Variants in SLTM observed in about 807,000 individuals in gnomAD.
SLTM encodes SAFB like transcription modulator.
In SLTM, 43 loss-of-function variants were observed where a neutral mutation model predicts 134.6. That is an observed-to-expected ratio of 0.32 (90% CI 0.25 to 0.41). SLTM has a LOEUF of 0.41. Among genes scored for constraint, SLTM ranks in the 10% least tolerant of loss-of-function variants. SLTM has a pLI of 1.00. For synonymous variants in SLTM, 424 were observed against 432.3 expected, an observed-to-expected ratio of 0.98 and a Z score of 0.24; for missense variants, 1,055 against 1,288.8, an observed-to-expected ratio of 0.82 and a Z score of 2.78.
intron 17 of SLTM, 184 bp from the exon 18 acceptor site, chr15:58,887,724 G>A (rs142412374): frequency 1.6e-4 from 126 of 780,264 alleles, no homozygotes; most frequent in Admixed American, 1.9e-4. Context: ...TAAGTGTCTA[G>A]CCTAAAGGTT....
intron 5 of SLTM, 132 bp from the exon 6 acceptor site, chr15:58,901,419 A>C (rs2035479631): frequency 2.9e-6 from 2 of 688,754 alleles, no homozygotes; most frequent in Non-Finnish European, 4.9e-6. Context: ...AACACTAACA[A>C]ATAAATAGGC....
intron 3 of SLTM, among the ~76,000 whole-genome samples, chr15:58,914,582 C>T (rs1174490511): frequency 1.3e-5 from 2 of 152,022 alleles, no homozygotes; most frequent in East Asian, 1.9e-4. Flanking sequence ...AGTAGGGGAG[C>T]GTGAGGGGAT....
chr15:58,887,184 T>C (rs2034285253), intron 18 of SLTM, 42 bp downstream of exon 18: 1 of 1,612,032 alleles, frequency 6.2e-7, no homozygotes, highest in Non-Finnish European at 8.5e-7. Context: ...TTAACCCCAA[T>C]GCATGAGACC....
At chr15:58,881,796 C>T (rs980490686) in intron 20 of SLTM, among the ~76,000 whole-genome samples, 2 of 152,090 alleles carry the variant, frequency 1.3e-5, no homozygotes, top group Non-Finnish European at 2.9e-5. Flanking sequence ...AGGGTTTTAC[C>T]ATGTTGCCCA....
intron 6 of SLTM, 118 bp from the exon 7 acceptor site, chr15:58,900,055 AGGG>A: frequency 3.2e-6 from 2 of 626,282 alleles, no homozygotes; most frequent in African/African-American, 1.9e-5. Context: ...GATGGAAGTT[AGGG>A]AAAAAAAAAA....
At chr15:58,905,187 T>G (rs374928365) in intron 5 of SLTM, among the ~76,000 whole-genome samples, 5 of 152,354 alleles carry the variant, frequency 3.3e-5, no homozygotes, top group East Asian at 1.9e-4. Flanking sequence ...ATATTACTTT[T>G]AAGCATTATG....
In SLTM at chr15:58,933,579, C is replaced by T. The variant is rs1160275715; in HGVS notation, c.-14G>A. On this transcript the variant is annotated 5_prime_UTR_variant, in exon 1 of 21. Transcript: ENST00000380516. ...AGCGGCAGCCATCTTAGAAGAGCAGCGCGCTGCCGAGGCAGCGAGTGGGCT... is the reference window on the plus strand; with the variant it reads ...AGCGGCAGCCATCTTAGAAGAGCAGTGCGCTGCCGAGGCAGCGAGTGGGCT... 6.4e-7 allele frequency: 1 copy of T among 1,567,516 alleles called. No homozygotes were observed. Among genetic ancestry groups the T allele is most frequent in the Admixed American group, 1.8e-5 (1 of 54,384 alleles).
At chr15:58,903,920 G>A (rs1054891653) in intron 5 of SLTM, among the ~76,000 whole-genome samples, 5 of 152,180 alleles carry the variant, frequency 3.3e-5, no homozygotes, top group African/African-American at 1.2e-4. Context: ...TTCTTAAAAT[G>A]TCAAATATTT....
intron 5 of SLTM, among the ~76,000 whole-genome samples, chr15:58,905,783 A>C (rs1322801533): frequency 6.6e-6 from 1 of 152,122 alleles, no homozygotes; most frequent in Non-Finnish European, 1.5e-5. Flanking sequence ...CCTGTCAATT[A>C]TAATGTTATT....
intron 5 of SLTM, among the ~76,000 whole-genome samples, chr15:58,910,719 G>C (rs1336846245): frequency 6.8e-6 from 1 of 148,100 alleles, no homozygotes; most frequent in African/African-American, 2.5e-5. Flanking sequence ...CTCTCAATTT[G>C]AGAGTTAATT....
intron 2 of SLTM, among the ~76,000 whole-genome samples, chr15:58,929,238 G>A (rs577963928): frequency 1.3e-5 from 2 of 152,248 alleles, no homozygotes; most frequent in African/African-American, 4.8e-5. Flanking sequence ...ATTACCTGAG[G>A]TTGGGAGTTC....
chr15:58,891,590 A>G (rs553945253), intron 14 of SLTM, among the ~76,000 whole-genome samples: 30 of 152,340 alleles, frequency 2.0e-4, no homozygotes, highest in African/African-American at 6.7e-4. Flanking sequence ...TTACTAACCA[A>G]TACAACATAT....
Position 58,894,466 on chromosome 15 carries a change from A to T in SLTM, c.1344T>A (p.Thr448=), listed in dbSNP as rs2034914783. Residue 448 remains threonine (T), a synonymous_variant, in exon 10 of 21, where the codon ACT becomes ACA. Transcript: ENST00000380516. ...VSRCIAHLHR[T]ELHGQLISVE... is the part of the protein sequence containing the mutation. ...CAGAAATCAGCTGTCCATGCAGCTC[A>T]GTGCGATGAAGATGTGCAATACACC... 2 of 1,614,076 alleles carry T rather than the reference A, an allele frequency of 1.2e-6. No homozygotes were observed. Among genetic ancestry groups the T allele is most frequent in the African/African-American group, 2.7e-5 (2 of 74,934 alleles).
intron 2 of SLTM, chr15:58,921,506 C>G (rs2037043080): frequency 2.7e-6 from 1 of 369,338 alleles, no homozygotes; most frequent in Non-Finnish European, 5.7e-6. Flanking sequence ...TAAAAATGGT[C>G]TAACTTTGCT....
intron 2 of SLTM, among the ~76,000 whole-genome samples, chr15:58,927,974 T>C (rs1405402150): frequency 6.6e-6 from 1 of 152,232 alleles, no homozygotes; most frequent in East Asian, 1.9e-4. Context: ...TATAAATATG[T>C]AGTCTGTGGT....
chr15:58,913,722 C>T (rs1450446889), intron 3 of SLTM, 26 bp from the exon 4 acceptor site: 1 of 1,596,498 alleles, frequency 6.3e-7, no homozygotes, highest in Admixed American at 1.7e-5. Context: ...AAATTTGGTA[C>T]AACTAGAGGC....
At chr15:58,897,778 GAAAC>G (rs2035200136) in intron 8 of SLTM, among the ~76,000 whole-genome samples, 1 of 152,002 alleles carries the variant, frequency 6.6e-6, no homozygotes, top group Non-Finnish European at 1.5e-5. Context: ...GATTCGATAA[GAAAC>G]AATCTTCTAA....
At chr15:58,914,729 A>G (rs2036511781) in intron 3 of SLTM, among the ~76,000 whole-genome samples, 1 of 152,252 alleles carries the variant, frequency 6.6e-6, no homozygotes, top group Non-Finnish European at 1.5e-5. Flanking sequence ...AGCAATTTCT[A>G]TACTATTCTG....
chr15:58,908,116 G>A (rs971641171), intron 5 of SLTM, among the ~76,000 whole-genome samples: 5 of 150,520 alleles, frequency 3.3e-5, no homozygotes, highest in Admixed American at 1.3e-4. Flanking sequence ...GAGTGCAGTG[G>A]CACAATCACG....
Sources: gnomAD v4.1 joint callset for allele counts (sites outside exome capture counted in the v4.1 genomes callset) on GRCh38, gnomAD v4.1.1 for gene constraint, MANE v1.5 for transcripts, NCBI Gene and HGNC (gene_info 2026-07-23, HGNC 2026-07-21) for gene names.